Variants in PTPRB observed in about 807,000 individuals in gnomAD.
PTPRB encodes the protein protein tyrosine phosphatase receptor type B.
A neutral mutation model predicts 238.1 loss-of-function variants in PTPRB; 97 were observed. The ratio of observed to expected loss-of-function variants is 0.41; its 90% confidence interval spans 0.35 to 0.48. The LOEUF is 0.48. Among genes scored for constraint, PTPRB ranks in the 20% least tolerant of loss-of-function variants. PTPRB has a pLI of 0.30. For missense variants in PTPRB, 2,292 were observed against 2,681.9 expected (o/e 0.85, Z 3.21); for synonymous variants, 970 against 995.4 (o/e 0.97, Z 0.48).
chr12:70,529,265 A>G lies in PTPRB; in HGVS notation c.6504+2770T>C, dbSNP rs1282410053. On this transcript the variant is annotated intron_variant, in intron 32 of 33. Coordinates refer to ENST00000334414, the MANE Select transcript of PTPRB (RefSeq NM_001109754.4). The stretch of plus-strand genomic sequence containing the variant: ...TTGTGTTACCTCTGCTCTGAAAGTC[A>G]GCCAGTGATATTGACAGTAGAGTCC... 3.9e-5 allele frequency among the ~76,000 whole-genome samples: 6 copies of G among 152,296 alleles called. No homozygotes were observed. In the East Asian group the frequency reaches 1.2e-3, roughly 29 times the overall value.
At chr12:70,528,473 G>T (rs2136211560) in intron 32 of PTPRB, among the ~76,000 whole-genome samples, 1 of 140,552 alleles carries the variant, frequency 7.1e-6, no homozygotes, top group East Asian at 2.3e-4. Context: ...CATTAGCAGG[G>T]CTAATGAGAG....
chr12:70,630,288 C>T (rs1885388970), intron 2 of PTPRB, among the ~76,000 whole-genome samples: 1 of 152,122 alleles, frequency 6.6e-6, no homozygotes. Flanking sequence ...AAATGTAATC[C>T]ATCACATAAA....
At chr12:70,540,109 T>G (rs1427271121) in intron 23 of PTPRB, 87 bp from the exon 24 acceptor site, 3 of 1,122,738 alleles carry the variant, frequency 2.7e-6, no homozygotes, top group African/African-American at 3.1e-5. Context: ...TGTGGATGTT[T>G]GTGCAAATAT....
intron 3 of PTPRB, chr12:70,609,862 G>C: frequency 6.5e-7 from 1 of 1,544,360 alleles, no homozygotes; most frequent in Non-Finnish European, 8.7e-7. Context: ...GCTGGACGTG[G>C]GACGGCCCGA....
intron 3 of PTPRB, among the ~76,000 whole-genome samples, chr12:70,613,186 A>C (rs1243259105): frequency 1.3e-5 from 2 of 151,980 alleles, no homozygotes; most frequent in Non-Finnish European, 2.9e-5. Context: ...GGCAGAGTAG[A>C]CTGGTTAGGT....
intron 12 of PTPRB, 139 bp from the exon 13 acceptor site, chr12:70,571,428 T>A: frequency 1.1e-6 from 1 of 876,870 alleles, no homozygotes; most frequent in Non-Finnish European, 1.7e-6. Flanking sequence ...CATGCATAAT[T>A]AAACAAGAAA....
chr12:70,622,817 C>T (rs1423827470), intron 2 of PTPRB, among the ~76,000 whole-genome samples, 171 bp from the exon 3 acceptor site: 5 of 152,028 alleles, frequency 3.3e-5, no homozygotes, highest in Non-Finnish European at 7.3e-5. Flanking sequence ...GTTCATTTGT[C>T]CTGTCCAATT....
intron 23 of PTPRB, chr12:70,540,414 G>A (rs1379239027): frequency 4.9e-6 from 1 of 202,172 alleles, no homozygotes; most frequent in Non-Finnish European, 1.0e-5. Flanking sequence ...GGGGCCACAT[G>A]CTATTTGGTT....
Position 70,571,067 on chromosome 12 carries a change from C to T in PTPRB, c.3329G>A (p.Ser1110Asn). The T allele has an allele frequency of 6.2e-7, 1 of 1,614,026 alleles. No individual in the cohort carries two copies. Among genetic ancestry groups the T allele is most frequent in the East Asian group, 2.2e-5 (1 of 44,880 alleles). ...GAAGGCTGACTGCTGTACATCCCCG[C>T]TAATCGTCAAGACAAGAATTTTGTA... ...RQYKILVLTI[S>N]GDVQQSAFIE... Residue 1110 changes from serine to asparagine, a missense_variant, in exon 13 of 34, where the codon AGC becomes AAC. Ser to Asn is a conservative substitution (Grantham distance 46). Coordinates refer to ENST00000334414, the MANE Select transcript of PTPRB (RefSeq NM_001109754.4).
At chr12:70,573,505 CTTTTTTTTT>C (rs937307862) in intron 11 of PTPRB, among the ~76,000 whole-genome samples, 1 of 90,824 alleles carries the variant, frequency 1.1e-5, no homozygotes, top group Non-Finnish European at 2.4e-5. Flanking sequence ...CTTTTCTTTT[CTTTTTTTTT>C]TTTTTTTTTT....
chr12:70,569,820 G>A lies in PTPRB; in HGVS notation c.3489C>T (p.His1163=), dbSNP rs1044540848. The A allele has an allele frequency of 2.5e-6, 4 of 1,613,964 alleles. No individual in the cohort carries two copies. In the South Asian group the frequency reaches 4.4e-5, roughly 18 times the overall value. Residue 1163 remains histidine, a synonymous_variant, in exon 14 of 34, where the codon CAC becomes CAT. Transcript: ENST00000334414. ...VDSYTVSAFR[H]SQKVDSQTIP... Reference sequence around the variant, plus strand: ...TAGTCTGAGAGTCAACCTTTTGACTGTGCCTGAATGCCGACACCGTGTAGG... The same window carrying A: ...TAGTCTGAGAGTCAACCTTTTGACTATGCCTGAATGCCGACACCGTGTAGG...
chr12:70,534,481 C>CT lies in PTPRB; in HGVS notation c.6368+6dup. The CT allele has an allele frequency of 1.2e-6, 2 of 1,610,848 alleles. No homozygotes were observed. Among genetic ancestry groups the CT allele is most frequent in the Non-Finnish European group, 8.5e-7 (1 of 1,179,210 alleles). The stretch of plus-strand genomic sequence containing the variant: ...GCCATTTTATTGGCTGCTAGGTTTC[C>CT]TAGTACCTGCAGTGCACCACAGTGG... On this transcript the variant is annotated splice_region_variant and intron_variant, in intron 31 of 33. Transcript: ENST00000334414.
chr12:70,534,718 G>A (rs1268402087), intron 30 of PTPRB, 67 bp from the exon 31 acceptor site: 1 of 1,599,038 alleles, frequency 6.3e-7, no homozygotes, highest in African/African-American at 1.3e-5. Context: ...TGACAGCTGA[G>A]CCATGGAGCA....
At chr12:70,628,737 T>C (rs528094875) in intron 2 of PTPRB, among the ~76,000 whole-genome samples, 31 of 152,236 alleles carry the variant, frequency 2.0e-4, no homozygotes, top group African/African-American at 6.5e-4. Context: ...ACTGTAACTT[T>C]TTTTTCTTTT....
chr12:70,545,750 T>C (rs1024301729), intron 21 of PTPRB, among the ~76,000 whole-genome samples: 24 of 151,996 alleles, frequency 1.6e-4, no homozygotes, highest in African/African-American at 5.1e-4. Context: ...AGGAACTAGA[T>C]GGGGCCCAGA....
At chr12:70,622,949 A>G (rs374745618) in intron 2 of PTPRB, among the ~76,000 whole-genome samples, 14 of 147,962 alleles carry the variant, frequency 9.5e-5, no homozygotes, top group East Asian at 8.2e-4. Context: ...ATGAGAATTT[A>G]GGGGGGGGGT....
chr12:70,558,376 T>TA (rs1220808723), intron 18 of PTPRB, among the ~76,000 whole-genome samples: 3 of 152,208 alleles, frequency 2.0e-5, no homozygotes, highest in Non-Finnish European at 2.9e-5. Context: ...TAATGCTTAT[T>TA]AAAAAAATAA....
At chr12:70,626,292 CATCCATCTATCTATCTATCTATCT>C (rs1248004786) in intron 2 of PTPRB, among the ~76,000 whole-genome samples, 72 of 115,840 alleles carry the variant, frequency 6.2e-4, no homozygotes, top group African/African-American at 1.8e-3. Context: ...GATGTCTATC[CATCCATCTATCTATCTATCTATCT>C]ATCTATCTAT....
chr12:70,588,782 G>T, intron 8 of PTPRB, among the ~76,000 whole-genome samples: 1 of 151,798 alleles, frequency 6.6e-6, no homozygotes. Flanking sequence ...GTAAAATCCT[G>T]TCTCTACTAA....
Sources: gnomAD v4.1 joint callset for allele counts (sites outside exome capture counted in the v4.1 genomes callset) on GRCh38, gnomAD v4.1.1 for gene constraint, MANE v1.5 for transcripts, NCBI Gene and HGNC (gene_info 2026-07-23, HGNC 2026-07-21) for gene names.